Variants in SAMTOR observed in about 807,000 individuals in gnomAD.
The protein encoded by SAMTOR is UPF0532 protein C7orf60.
the SAMTOR span, among the ~76,000 whole-genome samples, chr7:112,898,737 A>G: frequency 6.6e-6 from 1 of 152,200 alleles, no homozygotes; most frequent in African/African-American, 2.4e-5. Flanking sequence ...TGGTCAGACC[A>G]GCATAAACAG....
the SAMTOR span, among the ~76,000 whole-genome samples, chr7:112,857,611 GA>G: frequency 1.3e-5 from 2 of 152,222 alleles, no homozygotes; most frequent in Admixed American, 6.5e-5. Flanking sequence ...GTGACAAAAT[GA>G]AAAAGTTTCA....
the SAMTOR span, among the ~76,000 whole-genome samples, chr7:112,922,149 G>T: frequency 6.6e-6 from 1 of 152,180 alleles, no homozygotes; most frequent in Non-Finnish European, 1.5e-5. Context: ...GTGGAGACGG[G>T]GTTTCGCTGT....
At chr7:112,871,471 A>T in the SAMTOR span, among the ~76,000 whole-genome samples, 2 of 152,316 alleles carry the variant, frequency 1.3e-5, no homozygotes, top group South Asian at 2.1e-4. Context: ...ATTTGAAACA[A>T]ATGAAAATAT....
At chr7:112,867,711 T>G in the SAMTOR span, among the ~76,000 whole-genome samples, 1 of 152,202 alleles carries the variant, frequency 6.6e-6, no homozygotes, top group South Asian at 2.1e-4. Context: ...TTTTCTAAAC[T>G]CTGCAGAAAA....
At chr7:112,919,672 A>G in the SAMTOR span, among the ~76,000 whole-genome samples, 4 of 151,384 alleles carry the variant, frequency 2.6e-5, no homozygotes, top group African/African-American at 9.7e-5. Flanking sequence ...TGGTTTTTTG[A>G]AAGGATCAAC....
chr7:112,882,766 TAAAA>T, the SAMTOR span, among the ~76,000 whole-genome samples: 318 of 120,672 alleles, frequency 2.6e-3, no homozygotes, highest in African/African-American at 7.0e-3. Context: ...CATCTTTTTT[TAAAA>T]AAAAAAAAAA....
At chr7:112,916,873 C>G in the SAMTOR span, among the ~76,000 whole-genome samples, 2 of 152,162 alleles carry the variant, frequency 1.3e-5, no homozygotes, top group African/African-American at 4.8e-5. Context: ...AACTGCAAGG[C>G]GGCAGCGAGA....
At chr7:112,851,614 G>C in the SAMTOR span, among the ~76,000 whole-genome samples, 14 of 152,054 alleles carry the variant, frequency 9.2e-5, no homozygotes, top group East Asian at 2.7e-3. Flanking sequence ...TCTGGAGATT[G>C]GTCTAGGCAT....
At chr7:112,915,472 T>A in the SAMTOR span, 1 of 1,556,694 alleles carries the variant, frequency 6.4e-7, no homozygotes, top group South Asian at 1.2e-5. Context: ...ATAAATGAAT[T>A]AAGTTTACAC....
chr7:112,867,154 A>G, the SAMTOR span, among the ~76,000 whole-genome samples: 59 of 152,354 alleles, frequency 3.9e-4, no homozygotes, highest in Non-Finnish European at 6.5e-4. Flanking sequence ...ACCTGAATGA[A>G]ATGAAAATTA....
chr7:112,919,988 A>G, the SAMTOR span, among the ~76,000 whole-genome samples: 1 of 152,164 alleles, frequency 6.6e-6, no homozygotes, highest in Admixed American at 6.5e-5. Flanking sequence ...GTCCAGGACC[A>G]GATGGATTCA....
the SAMTOR span, among the ~76,000 whole-genome samples, chr7:112,872,573 ACT>A: frequency 2.0e-4 from 31 of 152,180 alleles, no homozygotes; most frequent in East Asian, 5.8e-3. Flanking sequence ...CAAAATGTCC[ACT>A]CTCATCACTC....
chr7:112,924,084 C>T, the SAMTOR span, among the ~76,000 whole-genome samples: 1 of 151,444 alleles, frequency 6.6e-6, no homozygotes, highest in Non-Finnish European at 1.5e-5. Context: ...AGGAGATATA[C>T]CTAATGCTAA....
At chr7:112,919,947 G>C in the SAMTOR span, among the ~76,000 whole-genome samples, 1 of 152,142 alleles carries the variant, frequency 6.6e-6, no homozygotes, top group Non-Finnish European at 1.5e-5. Flanking sequence ...TGAAATTGTG[G>C]CAATAATCAA....
chr7:112,884,256 C>A, the SAMTOR span, among the ~76,000 whole-genome samples: 1 of 152,110 alleles, frequency 6.6e-6, no homozygotes, highest in Non-Finnish European at 1.5e-5. Context: ...CAGATCACAT[C>A]ATTTTACCCC....
the SAMTOR span, among the ~76,000 whole-genome samples, chr7:112,850,467 G>A: frequency 6.6e-6 from 1 of 152,162 alleles, no homozygotes; most frequent in Non-Finnish European, 1.5e-5. Flanking sequence ...AACAGTATCA[G>A]TAAGATTGGT....
the SAMTOR span, among the ~76,000 whole-genome samples, chr7:112,874,426 G>A: frequency 6.6e-6 from 1 of 152,078 alleles, no homozygotes; most frequent in African/African-American, 2.4e-5. Context: ...TCACTTCCAA[G>A]TGGGAACTAA....
the SAMTOR span, among the ~76,000 whole-genome samples, chr7:112,885,636 C>G: frequency 3.6e-4 from 55 of 152,298 alleles, no homozygotes; most frequent in Middle Eastern, 3.4e-3. Context: ...ATATCACCAC[C>G]AGCATTTTGG....
At chr7:112,851,113 T>C in the SAMTOR span, among the ~76,000 whole-genome samples, 1 of 152,128 alleles carries the variant, frequency 6.6e-6, no homozygotes, top group Non-Finnish European at 1.5e-5. Flanking sequence ...TGCTTATGGA[T>C]TGGAAGAATC....
Sources: gnomAD v4.1 joint callset for allele counts (sites outside exome capture counted in the v4.1 genomes callset) on GRCh38, gnomAD v4.1.1 for gene constraint, MANE v1.5 for transcripts, NCBI Gene and HGNC (gene_info 2026-07-23, HGNC 2026-07-21) for gene names.